Variants in RFFL observed in about 807,000 individuals in gnomAD.
RFFL encodes the protein ring finger and FYVE like domain containing E3 ubiquitin protein ligase.
A neutral mutation model predicts 40.4 loss-of-function variants in RFFL; 16 were observed. That is an observed-to-expected ratio of 0.40 (90% CI 0.27 to 0.60). RFFL has a LOEUF of 0.60. RFFL is among the 20% of genes least tolerant of loss of function. The pLI is 0.47. For synonymous variants in RFFL, 154 were observed against 167.9 expected (o/e 0.92, Z 0.64); for missense variants, 367 against 451.7 (o/e 0.81, Z 1.70).
chr17:35,035,361 A>G (rs1317966191), intron 1 of RFFL, among the ~76,000 whole-genome samples: 3 of 151,518 alleles, frequency 2.0e-5, no homozygotes, highest in African/African-American at 7.3e-5. Flanking sequence ...GTGAGCTGAA[A>G]TTGCACCACT....
At chr17:35,060,682 C>A (rs1228742733) in intron 1 of RFFL, among the ~76,000 whole-genome samples, 3 of 152,170 alleles carry the variant, frequency 2.0e-5, no homozygotes, top group African/African-American at 7.2e-5. Flanking sequence ...GCAGGTAACA[C>A]ATACAAAATA....
intron 1 of RFFL, among the ~76,000 whole-genome samples, chr17:35,045,380 G>C (rs528408606): frequency 1.5e-4 from 23 of 151,700 alleles, no homozygotes; most frequent in Non-Finnish European, 2.8e-4. Context: ...TTACAGGCAC[G>C]TGCCACCATG....
At chr17:35,085,127 A>T (rs2091422821) in intron 1 of RFFL, among the ~76,000 whole-genome samples, 1 of 152,188 alleles carries the variant, frequency 6.6e-6, no homozygotes. Flanking sequence ...GTGACTCAGC[A>T]GCAAATCACC....
intron 2 of RFFL, among the ~76,000 whole-genome samples, chr17:35,022,058 C>T (rs761230932): frequency 5.9e-5 from 9 of 152,208 alleles, no homozygotes; most frequent in Admixed American, 2.0e-4. Context: ...ACTCCTGAAG[C>T]ACCTGAGGTA....
At chr17:35,077,532 C>T (rs540119875) in intron 1 of RFFL, among the ~76,000 whole-genome samples, 2 of 152,232 alleles carry the variant, frequency 1.3e-5, no homozygotes, top group Admixed American at 1.3e-4. Context: ...GAAGGGAAAC[C>T]CTTACAAAGC....
At chr17:35,026,854 C>T (rs140635107) in intron 1 of RFFL, among the ~76,000 whole-genome samples, 337 of 152,126 alleles carry the variant, frequency 2.2e-3, no homozygotes, top group African/African-American at 7.6e-3. Flanking sequence ...TACAGGTGCC[C>T]GCCATCACGC....
At chr17:35,048,300 G>A (rs1331377008) in intron 1 of RFFL, among the ~76,000 whole-genome samples, 2 of 151,842 alleles carry the variant, frequency 1.3e-5, no homozygotes, top group Admixed American at 1.3e-4. Flanking sequence ...TGCTTGGGAG[G>A]TTGAGACAGG....
intron 1 of RFFL, among the ~76,000 whole-genome samples, chr17:35,083,984 A>C (rs2091416351): frequency 6.6e-6 from 1 of 152,182 alleles, no homozygotes; most frequent in Admixed American, 6.5e-5. Context: ...CAAGCCTGTA[A>C]TCCCAGCACT....
intron 2 of RFFL, among the ~76,000 whole-genome samples, chr17:35,024,402 A>G (rs1156713647): frequency 6.6e-6 from 1 of 152,154 alleles, no homozygotes; most frequent in Non-Finnish European, 1.5e-5. Flanking sequence ...TATCACTTCC[A>G]TGGCTCCAAG....
chr17:35,052,330 C>G (rs772682973), intron 1 of RFFL, among the ~76,000 whole-genome samples: 15 of 152,108 alleles, frequency 9.9e-5, no homozygotes, highest in Non-Finnish European at 2.1e-4. Flanking sequence ...GTTCTTTATA[C>G]ATGGTCTTTT....
intron 1 of RFFL, chr17:35,077,024 TA>T: frequency 3.5e-6 from 1 of 286,236 alleles, no homozygotes. Context: ...CAACAATTAG[TA>T]ACACAATAAA....
At chr17:35,029,559 C>T (rs2091067890) in intron 1 of RFFL, among the ~76,000 whole-genome samples, 1 of 144,698 alleles carries the variant, frequency 6.9e-6, no homozygotes, top group Admixed American at 7.0e-5. Flanking sequence ...CTTGCCCTGT[C>T]GCCCAGGCTG....
intron 1 of RFFL, among the ~76,000 whole-genome samples, 177 bp downstream of exon 1, chr17:35,063,399 G>C (rs1567714420): frequency 7.9e-6 from 1 of 126,358 alleles, no homozygotes; most frequent in Non-Finnish European, 1.6e-5. Flanking sequence ...AGGTTGCAGT[G>C]AGCCGAGATC....
chr17:35,072,904 A>G (rs1484314091), intron 1 of RFFL, among the ~76,000 whole-genome samples: 2 of 152,098 alleles, frequency 1.3e-5, no homozygotes, highest in Non-Finnish European at 2.9e-5. Flanking sequence ...TTAGCCAGGC[A>G]TGGTAGCGTG....
intron 1 of RFFL, among the ~76,000 whole-genome samples, chr17:35,056,375 C>CTTT (rs71147455): frequency 2.6e-4 from 31 of 120,706 alleles, no homozygotes; most frequent in African/African-American, 8.5e-4. Context: ...TTTACTTCTA[C>CTTT]TTTTTTTTTT....
intron 1 of RFFL, among the ~76,000 whole-genome samples, chr17:35,042,754 G>A (rs1198469424): frequency 6.7e-6 from 1 of 148,958 alleles, no homozygotes; most frequent in Non-Finnish European, 1.5e-5. Flanking sequence ...GAACCCAGGA[G>A]GCAGAGGTTG....
intron 1 of RFFL, among the ~76,000 whole-genome samples, chr17:35,054,069 C>A (rs1279091372): frequency 6.6e-6 from 1 of 152,156 alleles, no homozygotes; most frequent in African/African-American, 2.4e-5. Flanking sequence ...ATTGGCACCA[C>A]CCTGGCCAGC....
At chr17:35,023,310 T>C (rs1464118690) in intron 2 of RFFL, among the ~76,000 whole-genome samples, 1 of 152,218 alleles carries the variant, frequency 6.6e-6, no homozygotes, top group African/African-American at 2.4e-5. Flanking sequence ...AAGATAGTTA[T>C]ATAAGTTTTG....
intron 1 of RFFL, among the ~76,000 whole-genome samples, chr17:35,042,873 A>C (rs1445331049): frequency 6.6e-6 from 1 of 151,792 alleles, no homozygotes; most frequent in African/African-American, 2.4e-5. Flanking sequence ...AGAATACCTA[A>C]GTCATAGAGA....
Sources: gnomAD v4.1 joint callset for allele counts (sites outside exome capture counted in the v4.1 genomes callset) on GRCh38, gnomAD v4.1.1 for gene constraint, MANE v1.5 for transcripts, NCBI Gene and HGNC (gene_info 2026-07-23, HGNC 2026-07-21) for gene names.